GPR158: variants seen among roughly 807,000 people sequenced by gnomAD.
GPR158 encodes metabotropic glycine receptor.
A neutral mutation model predicts 78.2 loss-of-function variants in GPR158; 30 were observed. The ratio of observed to expected loss-of-function variants is 0.38; its 90% CI spans 0.29 to 0.52. The LOEUF is 0.52. Among genes scored for constraint, GPR158 ranks in the 20% least tolerant of loss-of-function variants. The probability of loss-of-function intolerance (pLI) is 0.83; values close to 1 mark genes in which losing one functional copy is unlikely to be tolerated. For synonymous variants in GPR158, 581 were observed against 591.1 expected, an observed-to-expected ratio of 0.98 and a Z score of 0.25; for missense variants, 1,463 against 1,523.5, an observed-to-expected ratio of 0.96 and a Z score of 0.66.
chr10:25,181,659 G>A (rs1852612016), intron 1 of GPR158, among the ~76,000 whole-genome samples: 1 of 152,138 alleles, frequency 6.6e-6, no homozygotes, highest in Non-Finnish European at 1.5e-5. Context: ...TGGACAAGAT[G>A]ACTCCTTATA....
intron 5 of GPR158, among the ~76,000 whole-genome samples, chr10:25,472,320 A>G (rs1276394584): frequency 2.0e-5 from 3 of 151,880 alleles, no homozygotes; most frequent in Non-Finnish European, 2.9e-5. Flanking sequence ...CCATTGGTCT[A>G]TATCTCTGTT....
At chr10:25,363,157 G>A (rs1855667156) in intron 2 of GPR158, among the ~76,000 whole-genome samples, 1 of 151,796 alleles carries the variant, frequency 6.6e-6, no homozygotes, top group Non-Finnish European at 1.5e-5. Context: ...GGTTGTTTTA[G>A]CATTTGTTTG....
chr10:25,418,584 T>G (rs1017891699), intron 4 of GPR158, among the ~76,000 whole-genome samples: 1 of 151,292 alleles, frequency 6.6e-6, no homozygotes, highest in Non-Finnish European at 1.5e-5. Flanking sequence ...TTTTAATTTA[T>G]TCTACATTTT....
chr10:25,580,528 T>G (rs1460671970), intron 7 of GPR158, among the ~76,000 whole-genome samples: 1 of 151,820 alleles, frequency 6.6e-6, no homozygotes, highest in East Asian at 1.9e-4. Context: ...TTAATTACCC[T>G]AGAAGATTAG....
chr10:25,420,646 A>G (rs1350234538), intron 4 of GPR158, among the ~76,000 whole-genome samples: 1 of 151,932 alleles, frequency 6.6e-6, no homozygotes, highest in Non-Finnish European at 1.5e-5. Flanking sequence ...TATGTATAGT[A>G]TAAGATCAGA....
At chr10:25,560,810 TAA>T (rs1196055284) in intron 6 of GPR158, among the ~76,000 whole-genome samples, 2 of 152,206 alleles carry the variant, frequency 1.3e-5, no homozygotes, top group Admixed American at 6.5e-5. Flanking sequence ...TTAGGTCTTA[TAA>T]AATTAGATGG....
intron 2 of GPR158, among the ~76,000 whole-genome samples, chr10:25,355,095 T>G (rs1855530333): frequency 6.6e-6 from 1 of 152,124 alleles, no homozygotes; most frequent in Non-Finnish European, 1.5e-5. Flanking sequence ...TATTAATCCC[T>G]TTCCCAAGTT....
intron 5 of GPR158, among the ~76,000 whole-genome samples, chr10:25,531,800 T>C (rs1329466581): frequency 6.6e-6 from 1 of 152,186 alleles, no homozygotes; most frequent in Non-Finnish European, 1.5e-5. Flanking sequence ...CTTCCTATCT[T>C]GTGAGGGAGG....
At chr10:25,204,401 A>G (rs1362396933) in intron 1 of GPR158, among the ~76,000 whole-genome samples, 2 of 152,172 alleles carry the variant, frequency 1.3e-5, no homozygotes, top group Non-Finnish European at 2.9e-5. Context: ...TGTCATAAAT[A>G]GCTCTTATTA....
chr10:25,241,895 G>C (rs1444969423), intron 2 of GPR158, among the ~76,000 whole-genome samples: 1 of 152,152 alleles, frequency 6.6e-6, no homozygotes, highest in Non-Finnish European at 1.5e-5. Context: ...TCTGTATCTA[G>C]ACCCATTAGT....
At chr10:25,227,929 A>G (rs1020387656) in intron 2 of GPR158, among the ~76,000 whole-genome samples, 1 of 152,202 alleles carries the variant, frequency 6.6e-6, no homozygotes, top group African/African-American at 2.4e-5. Flanking sequence ...AATTGTGCTC[A>G]ATGTTGGTGA....
chr10:25,433,570 T>TGTGTGTGCGCGC (rs1554803626), intron 4 of GPR158, among the ~76,000 whole-genome samples: 1 of 128,668 alleles, frequency 7.8e-6, no homozygotes. Context: ...TGTGTGTGTG[T>TGTGTGTGCGCGC]GCGCGCGCGC....
chr10:25,444,007 G>A (rs184905089), intron 4 of GPR158, among the ~76,000 whole-genome samples: 52 of 152,046 alleles, frequency 3.4e-4, no homozygotes, highest in Admixed American at 2.3e-3. Flanking sequence ...TAGATGATTC[G>A]TTGGTGTGGA....
intron 5 of GPR158, among the ~76,000 whole-genome samples, chr10:25,490,203 C>A (rs1459499651): frequency 6.6e-6 from 1 of 151,908 alleles, no homozygotes; most frequent in Non-Finnish European, 1.5e-5. Context: ...AACTGGAACT[C>A]TTCCTTGTGT....
chr10:25,311,435 T>G (rs1854762204), intron 2 of GPR158, among the ~76,000 whole-genome samples: 1 of 151,952 alleles, frequency 6.6e-6, no homozygotes, highest in African/African-American at 2.4e-5. Context: ...TTATTGTAAA[T>G]GCCTTTATTA....
chr10:25,415,044 C>T (rs1316859417), intron 4 of GPR158, among the ~76,000 whole-genome samples: 2 of 151,888 alleles, frequency 1.3e-5, no homozygotes, highest in Admixed American at 6.6e-5. Flanking sequence ...GATCATAGAT[C>T]GAAATGAGAG....
intron 1 of GPR158, among the ~76,000 whole-genome samples, chr10:25,189,605 G>A (rs1344566244): frequency 1.3e-5 from 2 of 151,660 alleles, no homozygotes; most frequent in Non-Finnish European, 2.9e-5. Context: ...TTGGACACAG[G>A]AAGGGGAACA....
intron 2 of GPR158, among the ~76,000 whole-genome samples, chr10:25,271,667 A>C (rs1411256924): frequency 1.3e-5 from 2 of 152,188 alleles, no homozygotes; most frequent in African/African-American, 4.8e-5. Context: ...CATATAACTT[A>C]GAAACATTTT....
intron 6 of GPR158, among the ~76,000 whole-genome samples, chr10:25,552,056 A>G (rs1836732772): frequency 1.3e-5 from 2 of 152,180 alleles, no homozygotes; most frequent in Admixed American, 1.3e-4. Context: ...AGAATGCTCT[A>G]GATTATCCTT....
Sources: gnomAD v4.1 joint callset for allele counts (sites outside exome capture counted in the v4.1 genomes callset) on GRCh38, gnomAD v4.1.1 for gene constraint, MANE v1.5 for transcripts, NCBI Gene and HGNC (gene_info 2026-07-23, HGNC 2026-07-21) for gene names.